Variants in ARK2C observed in about 807,000 individuals in gnomAD.
ARK2C encodes the protein arkadia (RNF111) C-terminal like ring finger ubiquitin ligase 2C, also known as E3 ubiquitin-protein ligase ARK2C.
the ARK2C span, among the ~76,000 whole-genome samples, chr18:46,375,553 C>A: frequency 7.3e-6 from 1 of 137,874 alleles, no homozygotes; most frequent in African/African-American, 2.7e-5. Context: ...GACTCTGTCT[C>A]TAATAATAAT....
chr18:46,397,487 A>AGGGG, the ARK2C span, among the ~76,000 whole-genome samples: 1 of 38,062 alleles, frequency 2.6e-5, no homozygotes, highest in Non-Finnish European at 5.1e-5. Context: ...CTGAGGTGTG[A>AGGGG]GGGTGTGTGT....
chr18:46,425,163 C>T, the ARK2C span, among the ~76,000 whole-genome samples: 17 of 152,146 alleles, frequency 1.1e-4, no homozygotes, highest in Admixed American at 7.2e-4. Context: ...CTGAGCACAG[C>T]GGGAAACCTG....
At chr18:46,391,246 G>C in the ARK2C span, among the ~76,000 whole-genome samples, 1 of 152,168 alleles carries the variant, frequency 6.6e-6, no homozygotes, top group African/African-American at 2.4e-5. Context: ...TCTTGAGGTG[G>C]GAGGCTGGGG....
the ARK2C span, among the ~76,000 whole-genome samples, chr18:46,361,127 A>C: frequency 6.6e-6 from 1 of 152,166 alleles, no homozygotes; most frequent in Non-Finnish European, 1.5e-5. Flanking sequence ...AGTGTAAAAA[A>C]ATTTTTTTAA....
the ARK2C span, among the ~76,000 whole-genome samples, chr18:46,432,860 G>A: frequency 2.0e-5 from 3 of 152,208 alleles, no homozygotes; most frequent in Non-Finnish European, 4.4e-5. Context: ...CAGGAAAGTG[G>A]CGTGAATCCG....
chr18:46,454,109 TCAAAAA>T, the ARK2C span, among the ~76,000 whole-genome samples: 1 of 16,616 alleles, frequency 6.0e-5, no homozygotes, highest in African/African-American at 2.4e-4. Context: ...CAAGGCCGTC[TCAAAAA>T]AAAAAAAAAA....
chr18:46,427,079 G>C, the ARK2C span, among the ~76,000 whole-genome samples: 100 of 152,350 alleles, frequency 6.6e-4, no homozygotes, highest in African/African-American at 2.2e-3. Flanking sequence ...GAGGCCCCAG[G>C]GGGCAAGGTG....
the ARK2C span, among the ~76,000 whole-genome samples, chr18:46,357,187 G>A: frequency 6.6e-6 from 1 of 152,194 alleles, no homozygotes; most frequent in South Asian, 2.1e-4. Context: ...ACTCCTCGCT[G>A]AATAGTAAGT....
the ARK2C span, among the ~76,000 whole-genome samples, chr18:46,402,223 A>G: frequency 1.3e-5 from 2 of 152,246 alleles, no homozygotes; most frequent in Admixed American, 6.5e-5. Context: ...TTGCACATCT[A>G]TTAATTCATT....
the ARK2C span, chr18:46,459,861 C>T: frequency 6.5e-6 from 1 of 152,714 alleles, no homozygotes; most frequent in Non-Finnish European, 1.5e-5. Context: ...GACTCAGACC[C>T]TTTCTTGACT....
chr18:46,367,275 A>G, the ARK2C span, among the ~76,000 whole-genome samples: 9 of 152,168 alleles, frequency 5.9e-5, no homozygotes, highest in African/African-American at 2.2e-4. Flanking sequence ...GGTATAGGGT[A>G]GACCAGATGA....
chr18:46,409,524 C>T, the ARK2C span, among the ~76,000 whole-genome samples: 2 of 152,148 alleles, frequency 1.3e-5, no homozygotes, highest in African/African-American at 4.8e-5. Context: ...CTCTGAGCTG[C>T]TGAGTATTAG....
chr18:46,388,576 C>T, the ARK2C span, among the ~76,000 whole-genome samples: 3 of 152,136 alleles, frequency 2.0e-5, no homozygotes, highest in African/African-American at 7.2e-5. Flanking sequence ...GGGGTTGGCA[C>T]TGAACCAAGC....
the ARK2C span, among the ~76,000 whole-genome samples, chr18:46,381,123 C>G: frequency 1.3e-5 from 2 of 152,262 alleles, no homozygotes; most frequent in Non-Finnish European, 2.9e-5. Context: ...TCTCTGCCCT[C>G]CCCATGGAGT....
At chr18:46,343,912 G>A in the ARK2C span, among the ~76,000 whole-genome samples, 3 of 152,182 alleles carry the variant, frequency 2.0e-5, no homozygotes, top group Admixed American at 6.5e-5. Context: ...CCTTGACCCC[G>A]AGCTCAAGGC....
At chr18:46,378,341 C>T in the ARK2C span, among the ~76,000 whole-genome samples, 2 of 152,162 alleles carry the variant, frequency 1.3e-5, no homozygotes, top group Non-Finnish European at 2.9e-5. Flanking sequence ...CTGCTGAAGG[C>T]CACACAGCAG....
the ARK2C span, among the ~76,000 whole-genome samples, chr18:46,345,855 A>G: frequency 6.6e-6 from 1 of 152,124 alleles, no homozygotes; most frequent in Non-Finnish European, 1.5e-5. Context: ...GGGTCCATCC[A>G]GGGGTGAGTG....
the ARK2C span, among the ~76,000 whole-genome samples, chr18:46,357,686 G>A: frequency 7.9e-5 from 12 of 152,206 alleles, no homozygotes; most frequent in African/African-American, 2.9e-4. Flanking sequence ...AGATGCCTGG[G>A]AGTCACCCTC....
chr18:46,455,093 C>G, the ARK2C span, among the ~76,000 whole-genome samples: 2 of 152,188 alleles, frequency 1.3e-5, no homozygotes, highest in African/African-American at 2.4e-5. Flanking sequence ...CAAGTATAAA[C>G]AGTGTTTCAT....
Sources: allele counts gnomAD v4.1 joint callset (sites outside exome capture counted in the v4.1 genomes callset), GRCh38; gene constraint gnomAD v4.1.1; transcripts MANE v1.5; gene names NCBI Gene and HGNC (gene_info 2026-07-23, HGNC 2026-07-21).